The following DLC1 variants were observed in gnomAD, a reference collection of about 807,000 sequenced individuals.
DLC1 encodes rho GTPase-activating protein 7.
DLC1 carries 54 observed loss-of-function variants against 140.3 expected under a neutral mutation model. The ratio of observed to expected loss-of-function variants is 0.38; its 90% CI spans 0.31 to 0.48. The LOEUF (loss-of-function observed/expected upper bound fraction) is 0.48. Among genes scored for constraint, DLC1 ranks in the 20% least tolerant of loss-of-function variants. The pLI, the probability that DLC1 is intolerant of heterozygous loss-of-function variation, is 0.96. For synonymous variants in DLC1, 986 were observed against 728.1 expected (o/e 1.35, Z -5.70); for missense variants, 2,536 against 1,907.0 (o/e 1.33, Z -6.14).
At chr8:13,124,790 C>G (rs766665449) in intron 5 of DLC1, among the ~76,000 whole-genome samples, 3 of 152,132 alleles carry the variant, frequency 2.0e-5, no homozygotes, top group Non-Finnish European at 2.9e-5. Context: ...TCTCTAAGAC[C>G]ACCTCTAGAA....
intron 5 of DLC1, among the ~76,000 whole-genome samples, chr8:13,174,278 A>G (rs1441408659): frequency 6.6e-6 from 1 of 152,178 alleles, no homozygotes; most frequent in African/African-American, 2.4e-5. Context: ...ATGAGCACCT[A>G]GGTTGATTCT....
chr8:13,118,515 T>C (rs1318816214), intron 5 of DLC1, among the ~76,000 whole-genome samples: 1 of 152,174 alleles, frequency 6.6e-6, no homozygotes, highest in East Asian at 1.9e-4. Context: ...TCTGAAAACT[T>C]AGGCTGCATT....
chr8:13,155,782 A>G (rs1824206006), intron 5 of DLC1, among the ~76,000 whole-genome samples: 1 of 152,214 alleles, frequency 6.6e-6, no homozygotes, highest in African/African-American at 2.4e-5. Context: ...CACATGAGGA[A>G]TAAAAGAACT....
intron 5 of DLC1, among the ~76,000 whole-genome samples, chr8:13,271,713 C>G (rs1479745925): frequency 2.0e-5 from 3 of 152,134 alleles, no homozygotes; most frequent in Non-Finnish European, 4.4e-5. Flanking sequence ...AAGATGAGGT[C>G]TTGCTATGTC....
rs573346434 is a variant in DLC1 at position 13,084,914 on chromosome 8, G to A, written c.*897C>T. 1.1e-4 allele frequency: 17 copies of A among 152,196 alleles called. No homozygotes were observed. Among genetic ancestry groups the A allele is most frequent in the Non-Finnish European group, 1.9e-4 (13 of 68,054 alleles). 9.4% of individuals were successfully genotyped at this position (152,196 alleles called of 1,614,324 possible). On this transcript the variant is annotated 3_prime_UTR_variant, in exon 18 of 18. Coordinates refer to ENST00000276297, the MANE Select transcript of DLC1 (RefSeq NM_182643.3). The stretch of plus-strand genomic sequence containing the variant: ...GTTGATGCTTGATTTAAGAGTAAGT[G>A]TTATCGTGTTCAGTTTTTATATCTC...
chr8:13,289,001 A>G (rs936269419), intron 5 of DLC1, among the ~76,000 whole-genome samples: 7 of 152,172 alleles, frequency 4.6e-5, no homozygotes, highest in Non-Finnish European at 7.3e-5. Flanking sequence ...AGGAATTACA[A>G]AATCGCATAT....
chr8:13,500,179 G>C lies in DLC1; in HGVS notation c.-108C>G, dbSNP rs771139046. 1 of 1,024,122 alleles carries C rather than the reference G, an allele frequency of 9.8e-7. No homozygotes were observed. The highest frequency in any genetic ancestry group is 1.4e-6 in the Non-Finnish European group (1 of 709,530). The allele number at this position is 1,024,122 out of a possible 1,614,324, so 63.4% of individuals were successfully genotyped here. ...AATCACCAATCAAAGAAGCGAATGAGTTCTGTCATTTCACCACCTATTAAA... is the reference window on the plus strand; with the variant it reads ...AATCACCAATCAAAGAAGCGAATGACTTCTGTCATTTCACCACCTATTAAA... On this transcript the variant is annotated 5_prime_UTR_variant, in exon 2 of 18. Coordinates refer to ENST00000276297, the MANE Select transcript of DLC1 (RefSeq NM_182643.3).
intron 5 of DLC1, among the ~76,000 whole-genome samples, chr8:13,126,365 C>CACACACA (rs1821564899): frequency 9.4e-6 from 1 of 106,530 alleles, no homozygotes; most frequent in Non-Finnish European, 1.8e-5. Context: ...ATCTCTCTAT[C>CACACACA]CATACACACA....
chr8:13,513,441 G>A (rs1316415139), intron 1 of DLC1, among the ~76,000 whole-genome samples: 1 of 152,014 alleles, frequency 6.6e-6, no homozygotes, highest in Non-Finnish European at 1.5e-5. Flanking sequence ...AGCTAATATA[G>A]CAGATGGTCA....
chr8:13,565,461 G>T (rs1804393592), intron 1 of DLC1, among the ~76,000 whole-genome samples: 1 of 152,146 alleles, frequency 6.6e-6, no homozygotes, highest in Admixed American at 6.5e-5. Context: ...AAATTACTTG[G>T]AGTTACTCAC....
chr8:13,280,287 CAAAA>C (rs55791933), intron 5 of DLC1, among the ~76,000 whole-genome samples: 1 of 65,348 alleles, frequency 1.5e-5, no homozygotes, highest in Non-Finnish European at 2.7e-5. Context: ...GACTCCATCT[CAAAA>C]AAAAAAAAAA....
chr8:13,394,967 A>G (rs1563311546), intron 3 of DLC1, among the ~76,000 whole-genome samples: 1 of 149,770 alleles, frequency 6.7e-6, no homozygotes, highest in African/African-American at 2.4e-5. Context: ...CATATTCTCT[A>G]TTTTCCAATC....
At chr8:13,519,593 A>G (rs1408192513), upstream of DLC1, among the ~76,000 whole-genome samples, 1 of 152,188 alleles carries the variant, frequency 6.6e-6, no homozygotes, top group African/African-American at 2.4e-5. Context: ...TATTTACCTG[A>G]AAGCACACAT....
intron 3 of DLC1, among the ~76,000 whole-genome samples, chr8:13,399,527 A>C (rs1353878665): frequency 2.6e-5 from 4 of 152,180 alleles, no homozygotes; most frequent in Admixed American, 2.6e-4. Context: ...CTAAATACTT[A>C]GTCTTGATCT....
chr8:13,451,531 C>A (rs556721915), intron 2 of DLC1, among the ~76,000 whole-genome samples: 1 of 152,188 alleles, frequency 6.6e-6, no homozygotes, highest in African/African-American at 2.4e-5. Context: ...CCCTTCCCAG[C>A]CTCTGGTAAC....
At chr8:13,137,726 T>A (rs1822679606) in intron 5 of DLC1, among the ~76,000 whole-genome samples, 1 of 150,120 alleles carries the variant, frequency 6.7e-6, no homozygotes, top group Non-Finnish European at 1.5e-5. Flanking sequence ...GCCTCCCACA[T>A]AGCTGGGACT....
chr8:13,501,234 CA>C (rs1440620746), intron 1 of DLC1, among the ~76,000 whole-genome samples: 2 of 152,030 alleles, frequency 1.3e-5, no homozygotes, highest in East Asian at 1.9e-4. Flanking sequence ...TTTAAGTAAA[CA>C]AGAAAATCAT....
At chr8:13,473,785 T>C (rs1800316825) in intron 2 of DLC1, among the ~76,000 whole-genome samples, 1 of 152,144 alleles carries the variant, frequency 6.6e-6, no homozygotes, top group African/African-American at 2.4e-5. Context: ...CGCTAGAGAT[T>C]TTTGGAACTT....
At position 13,499,638 on chromosome 8, in the gene DLC1, C is replaced by G; in HGVS notation, c.434G>C (p.Gly145Ala). The G allele has an allele frequency of 1.9e-6, 3 of 1,614,134 alleles. No individual in the cohort carries two copies. In the East Asian group the frequency reaches 6.7e-5, roughly 36 times the overall value. The change falls in exon 2 of 18, where the codon GGC (glycine) becomes GCC (alanine). Residue 145 changes from glycine (G) to alanine (A), a missense_variant. Physicochemically the swap from Gly to Ala is moderately conservative, Grantham distance 60. Coordinates refer to ENST00000276297, the MANE Select transcript of DLC1 (RefSeq NM_182643.3). ...GATGGGCAGTGCCTTTTCTAAGGAG[C>G]CTGCTCCTTGGATCATATGTTGGCC... ...TSGQHMIQGA[G>A]SLEKALPIIQ...
Sources: gnomAD v4.1 joint callset for allele counts (sites outside exome capture counted in the v4.1 genomes callset) on GRCh38, gnomAD v4.1.1 for gene constraint, MANE v1.5 for transcripts, NCBI Gene and HGNC (gene_info 2026-07-23, HGNC 2026-07-21) for gene names.